Variants in PRKCA observed in about 807,000 individuals in gnomAD.
PRKCA encodes the protein protein kinase C alpha, also known as protein kinase C alpha type.
Under a neutral mutation model 87.0 loss-of-function variants are expected in PRKCA, and 27 were observed. The ratio of observed to expected loss-of-function variants is 0.31; its 90% CI spans 0.23 to 0.43. The LOEUF (loss-of-function observed/expected upper bound fraction) is 0.43, where lower values mean the gene tolerates loss of function less well. Ranked by LOEUF, PRKCA falls within the 20% of genes least tolerant of loss-of-function variation. The probability of loss-of-function intolerance (pLI) is 1.00; values close to 1 mark genes in which losing one functional copy is unlikely to be tolerated. For synonymous variants in PRKCA, 329 were observed against 311.1 expected (o/e 1.06, Z -0.61); for missense variants, 518 against 852.3 (o/e 0.61, Z 4.88).
intron 5 of PRKCA, among the ~76,000 whole-genome samples, chr17:66,651,206 A>G (rs1260671677): frequency 6.6e-6 from 1 of 152,164 alleles, no homozygotes. Flanking sequence ...AGTTCAAGTG[A>G]GAGTTGGAGA....
At chr17:66,364,554 C>T (rs993147393) in intron 2 of PRKCA, among the ~76,000 whole-genome samples, 3 of 152,092 alleles carry the variant, frequency 2.0e-5, no homozygotes, top group Non-Finnish European at 4.4e-5. Flanking sequence ...AGAACAGAGA[C>T]GTGGAGGCCG....
chr17:66,368,356 G>GTATA (rs1311286501), intron 2 of PRKCA, among the ~76,000 whole-genome samples: 3,818 of 83,624 alleles, frequency 0.046, 77 homozygotes, highest in Non-Finnish European at 0.063. Flanking sequence ...GTGTGTGTGT[G>GTATA]TGTATATGTA....
rs1256150214 is a variant in PRKCA at position 66,807,552 on chromosome 17, C to T, written c.*3515C>T. 1 of 152,266 alleles carries T rather than the reference C, an allele frequency of 6.6e-6. No individual in the cohort carries two copies. The highest frequency in any genetic ancestry group is 1.5e-5 in the Non-Finnish European group (1 of 68,052). 9.4% of individuals were successfully genotyped at this position (152,266 alleles called of 1,614,324 possible). On this transcript the variant is annotated 3_prime_UTR_variant, in exon 17 of 17. Coordinates refer to ENST00000413366, the MANE Select transcript of PRKCA (RefSeq NM_002737.3). This position sits in a 1 kb window ranked among gnomAD's most constrained non-coding sequence, Gnocchi z 4.3. ...TTATTGCTCCGGCAGTGCTTCCCTT[C>T]CTTTCATCCACTGGCCTCGTGTGGT...
At chr17:66,363,843 C>T (rs982900001) in intron 2 of PRKCA, among the ~76,000 whole-genome samples, 1 of 152,214 alleles carries the variant, frequency 6.6e-6, no homozygotes, top group Admixed American at 6.5e-5. Context: ...CCTGGGACTA[C>T]AGGCGCGTGC....
At chr17:66,587,769 GTATA>G (rs1389175966) in intron 3 of PRKCA, among the ~76,000 whole-genome samples, 6 of 69,570 alleles carry the variant, frequency 8.6e-5, no homozygotes, top group African/African-American at 2.4e-4. Flanking sequence ...ACATATATAC[GTATA>G]TGTGTGTATA....
At chr17:66,438,906 G>T (rs528269772) in intron 2 of PRKCA, among the ~76,000 whole-genome samples, 3 of 152,262 alleles carry the variant, frequency 2.0e-5, no homozygotes, top group South Asian at 4.2e-4. Context: ...GACATGTGGG[G>T]ATTATGGGAA....
intron 2 of PRKCA, among the ~76,000 whole-genome samples, chr17:66,468,556 T>A (rs1598698312): frequency 6.6e-6 from 1 of 152,332 alleles, no homozygotes; most frequent in East Asian, 1.9e-4. Flanking sequence ...TGTTTTTGCC[T>A]CTTGTTCCCA....
intron 2 of PRKCA, among the ~76,000 whole-genome samples, chr17:66,316,058 G>C (rs1342464781): frequency 6.6e-6 from 1 of 152,170 alleles, no homozygotes; most frequent in East Asian, 1.9e-4. Flanking sequence ...GGGCTTTGTA[G>C]GTTGCTAGAA....
At chr17:66,679,174 C>CTTTTTTTTTTTTTTTTTT (rs10714678) in intron 5 of PRKCA, among the ~76,000 whole-genome samples, 2 of 121,056 alleles carry the variant, frequency 1.7e-5, no homozygotes. Context: ...ACACTCACAC[C>CTTTTTTTTTTTTTTTTTT]TTTTTTTTTT....
At chr17:66,674,603 C>T (rs1487836155) in intron 5 of PRKCA, among the ~76,000 whole-genome samples, 2 of 152,108 alleles carry the variant, frequency 1.3e-5, no homozygotes, top group South Asian at 2.1e-4. Context: ...GAAGACGGAG[C>T]GTCACTGACA....
At chr17:66,537,343 T>C (rs545685046) in intron 3 of PRKCA, among the ~76,000 whole-genome samples, 1 of 152,336 alleles carries the variant, frequency 6.6e-6, no homozygotes, top group African/African-American at 2.4e-5. Context: ...AATTTTGAAA[T>C]GAACTCTAAC....
intron 3 of PRKCA, among the ~76,000 whole-genome samples, chr17:66,612,259 T>C (rs571641961): frequency 1.3e-5 from 2 of 151,470 alleles, no homozygotes; most frequent in South Asian, 2.1e-4. Context: ...CAGGCGCCTG[T>C]AATCCCAGCT....
chr17:66,413,072 G>C (rs1049936889), intron 2 of PRKCA, among the ~76,000 whole-genome samples: 28 of 152,264 alleles, frequency 1.8e-4, no homozygotes, highest in Non-Finnish European at 1.9e-4. Flanking sequence ...AGTAGTGTCA[G>C]ATCCCACAAG....
At chr17:66,566,487 T>TG (rs1225784474) in intron 3 of PRKCA, among the ~76,000 whole-genome samples, 21 of 148,048 alleles carry the variant, frequency 1.4e-4, no homozygotes, top group South Asian at 6.4e-4. Context: ...TTGGTTTTTT[T>TG]TTTTTTTTTT....
At chr17:66,582,478 A>T (rs187896997) in intron 3 of PRKCA, among the ~76,000 whole-genome samples, 4 of 152,266 alleles carry the variant, frequency 2.6e-5, no homozygotes. Context: ...GATAAGTCTC[A>T]TGAGAACTGA....
chr17:66,632,376 GTTTGTTTGTT>G (rs1426698139), intron 3 of PRKCA, among the ~76,000 whole-genome samples: 1 of 151,796 alleles, frequency 6.6e-6, no homozygotes, highest in Non-Finnish European at 1.5e-5. Flanking sequence ...TTTGTTTTTT[GTTTGTTTGTT>G]TTTTGTTTTT....
intron 8 of PRKCA, among the ~76,000 whole-genome samples, chr17:66,726,264 A>G (rs1010483437): frequency 3.9e-5 from 6 of 152,064 alleles, no homozygotes; most frequent in Non-Finnish European, 8.8e-5. Flanking sequence ...GCAGGACAGA[A>G]AGCTCAGGTG....
At chr17:66,670,228 T>G (rs1483087208) in intron 5 of PRKCA, among the ~76,000 whole-genome samples, 1 of 152,186 alleles carries the variant, frequency 6.6e-6, no homozygotes, top group Non-Finnish European at 1.5e-5. Flanking sequence ...GAAGTAAAAT[T>G]AAAAGTTCAG....
chr17:66,767,277 T>C (rs139003141), intron 13 of PRKCA, among the ~76,000 whole-genome samples: 2 of 152,282 alleles, frequency 1.3e-5, no homozygotes, highest in Non-Finnish European at 2.9e-5. Context: ...TCATCAGCAT[T>C]ATAAGGAAAT....
Sources: allele counts gnomAD v4.1 joint callset (sites outside exome capture counted in the v4.1 genomes callset), GRCh38; gene constraint gnomAD v4.1.1; non-coding constraint Gnocchi (gnomAD v3.1); transcripts MANE v1.5; gene names NCBI Gene and HGNC (gene_info 2026-07-23, HGNC 2026-07-21).